Variants in MALRD1 observed in about 807,000 individuals in gnomAD.
The protein encoded by MALRD1 is MAM and LDL receptor class A domain containing 1.
Under a neutral mutation model 242.1 loss-of-function variants are expected in MALRD1, and 247 were observed. The ratio of observed to expected loss-of-function variants is 1.02; its 90% CI spans 0.92 to 1.13. The LOEUF is 1.13. Ranked by LOEUF, MALRD1 falls within the 50% of genes most tolerant of loss-of-function variation. The pLI is 0.00. For missense variants in MALRD1, 2,989 were observed against 2,533.1 expected (o/e 1.18, Z -3.86); for synonymous variants, 995 against 866.6 (o/e 1.15, Z -2.60).
chr10:19,472,319 AT>A (rs1220003121), intron 29 of MALRD1, among the ~76,000 whole-genome samples: 7 of 151,428 alleles, frequency 4.6e-5, no homozygotes, highest in Admixed American at 3.3e-4. Context: ...TTTGCTGAGG[AT>A]TTTGCATGGA....
At position 19,541,868 on chromosome 10, in the gene MALRD1, A is replaced by G. The variant is rs559951095; in HGVS notation, c.5478+10517A>G. On this transcript the variant is annotated intron_variant, in intron 32 of 39. Transcript: ENST00000454679. ...ATGTGCTATGTATCTTCCATTGTGAATAATAGAAAATATAAACCATAGGAT... is the reference window on the plus strand; with the variant it reads ...ATGTGCTATGTATCTTCCATTGTGAGTAATAGAAAATATAAACCATAGGAT... Among the ~76,000 whole-genome samples the G allele has an allele frequency of 4.5e-4, 68 of 152,322 alleles. 1 individual carries two copies. In the South Asian group the frequency reaches 0.011, roughly 25 times the overall value.
chr10:19,145,285 C>G (rs2131437516), intron 10 of MALRD1, among the ~76,000 whole-genome samples: 1 of 152,176 alleles, frequency 6.6e-6, no homozygotes, highest in African/African-American at 2.4e-5. Context: ...TTCTCTAGAA[C>G]CAGTTCTTTT....
intron 28 of MALRD1, among the ~76,000 whole-genome samples, chr10:19,405,551 C>G (rs1282206190): frequency 2.0e-5 from 3 of 152,150 alleles, no homozygotes; most frequent in Admixed American, 1.3e-4. Flanking sequence ...TCTCTTTGGT[C>G]CCATCCATCA....
chr10:19,076,810 A>G (rs1397281197), intron 2 of MALRD1, among the ~76,000 whole-genome samples: 1 of 151,856 alleles, frequency 6.6e-6, no homozygotes, highest in Non-Finnish European at 1.5e-5. Flanking sequence ...TTTAGTATTA[A>G]TTTGCAAATT....
At chr10:19,344,389 T>G (rs1219847261) in intron 24 of MALRD1, among the ~76,000 whole-genome samples, 3 of 152,082 alleles carry the variant, frequency 2.0e-5, no homozygotes, top group Non-Finnish European at 4.4e-5. Context: ...AACCAACTAC[T>G]CCAGCATCAT....
At chr10:19,256,874 A>T (rs1839537329) in intron 18 of MALRD1, among the ~76,000 whole-genome samples, 3 of 152,146 alleles carry the variant, frequency 2.0e-5, no homozygotes, top group African/African-American at 7.2e-5. Flanking sequence ...ATGGGAAAAC[A>T]TAATGTATTT....
intron 23 of MALRD1, among the ~76,000 whole-genome samples, chr10:19,330,915 G>C (rs563412281): frequency 2.1e-4 from 32 of 151,926 alleles, no homozygotes; most frequent in African/African-American, 7.0e-4. Flanking sequence ...CAAATAGTAG[G>C]AATGAAGAGA....
At chr10:19,140,895 C>T (rs1588604961) in intron 10 of MALRD1, among the ~76,000 whole-genome samples, 1 of 152,104 alleles carries the variant, frequency 6.6e-6, no homozygotes, top group Non-Finnish European at 1.5e-5. Flanking sequence ...GTTAGTAACA[C>T]TGTATTGTAT....
At chr10:19,638,018 T>A (rs1840217005) in intron 36 of MALRD1, among the ~76,000 whole-genome samples, 2 of 147,900 alleles carry the variant, frequency 1.4e-5, no homozygotes, top group African/African-American at 5.0e-5. Context: ...GGAGAATTGC[T>A]TGAACCCAGG....
chr10:19,398,712 A>G (rs1564306288), intron 28 of MALRD1, among the ~76,000 whole-genome samples: 1 of 152,216 alleles, frequency 6.6e-6, no homozygotes. Flanking sequence ...TTTTATGAGG[A>G]CATCTATCTT....
Position 19,668,304 on chromosome 10 carries a change from A to G in MALRD1, c.6138-23978A>G, listed in dbSNP as rs561150891. ...TCACCACAGAGTGAAAGATGGAAGT[A>G]TTTCTCAATGGGGAGGCAAAATGAC... On this transcript the variant is annotated intron_variant, in intron 36 of 39. Transcript: ENST00000454679. Among the ~76,000 whole-genome samples, 4 of 152,274 alleles carry G rather than the reference A, an allele frequency of 2.6e-5. No individual in the cohort carries two copies. The East Asian group carries it at 7.7e-4, about 29-fold the overall frequency.
At chr10:19,479,959 A>G (rs1291812484) in intron 29 of MALRD1, among the ~76,000 whole-genome samples, 2 of 152,152 alleles carry the variant, frequency 1.3e-5, no homozygotes, top group African/African-American at 4.8e-5. Context: ...ACTCAGCCTC[A>G]TGATCTTACC....
In MALRD1 at chr10:19,169,011, A is replaced by T. The variant is rs188775897; in HGVS notation, c.1830+3201A>T. 4.3e-4 allele frequency among the ~76,000 whole-genome samples: 66 copies of T among 152,364 alleles called. 1 individual carries two copies. The South Asian group carries it at 0.011, about 25-fold the overall frequency. ...TCACATTTCACTCTCAAGAAGGCCA[A>T]GACAGCCCTATAATATCCAATCAGC... On this transcript the variant is annotated intron_variant, in intron 13 of 39. Transcript: ENST00000454679.
At chr10:19,116,959 G>T (rs2131366804) in intron 5 of MALRD1, among the ~76,000 whole-genome samples, 1 of 152,076 alleles carries the variant, frequency 6.6e-6, no homozygotes, top group South Asian at 2.1e-4. Context: ...GCCAGGCGTG[G>T]TGGCGGGCCC....
At chr10:19,175,016 G>T (rs1356059483) in intron 13 of MALRD1, among the ~76,000 whole-genome samples, 192 bp from the exon 14 acceptor site, 1 of 152,038 alleles carries the variant, frequency 6.6e-6, no homozygotes, top group Non-Finnish European at 1.5e-5. Context: ...TGGCATTAAG[G>T]TACATAAGAT....
intron 24 of MALRD1, among the ~76,000 whole-genome samples, chr10:19,340,527 T>G (rs1009323877): frequency 1.3e-5 from 2 of 152,090 alleles, no homozygotes; most frequent in Non-Finnish European, 2.9e-5. Flanking sequence ...AGTAAATGTT[T>G]ATTCTCTGCC....
intron 1 of MALRD1, chr10:19,051,957 A>C (rs1834519064): frequency 4.8e-6 from 1 of 206,898 alleles, no homozygotes; most frequent in African/African-American, 2.4e-5. Context: ...AAAAAAGGAA[A>C]GCCAAATATA....
At position 19,535,499 on chromosome 10, in the gene MALRD1, A is replaced by G. The variant is rs551096168; in HGVS notation, c.5478+4148A>G. On this transcript the variant is annotated intron_variant, in intron 32 of 39. Transcript: ENST00000454679. ...TGTGTATATGCATATACATATACACATATATATACACATATATACATGTGT... is the reference window on the plus strand; with the variant it reads ...TGTGTATATGCATATACATATACACGTATATATACACATATATACATGTGT... 6.7e-5 allele frequency among the ~76,000 whole-genome samples: 10 copies of G among 150,126 alleles called. No individual in the cohort carries two copies. The South Asian group carries it at 2.1e-3, about 31-fold the overall frequency.
At chr10:19,605,485 C>CTTTTTTTTTTTTTTT (rs369007691) in intron 34 of MALRD1, among the ~76,000 whole-genome samples, 1 of 128,492 alleles carries the variant, frequency 7.8e-6, no homozygotes, top group Non-Finnish European at 1.6e-5. Flanking sequence ...GTTTTTCTTT[C>CTTTTTTTTTTTTTTT]TTTTTTTTTT....
Sources: allele counts gnomAD v4.1 joint callset (sites outside exome capture counted in the v4.1 genomes callset), GRCh38; gene constraint gnomAD v4.1.1; transcripts MANE v1.5; gene names NCBI Gene and HGNC (gene_info 2026-07-23, HGNC 2026-07-21).